The following GRID1 variants were observed in gnomAD, a reference collection of about 807,000 sequenced individuals.
GRID1 encodes glutamate ionotropic receptor delta type subunit 1, also known as glutamate receptor ionotropic, delta-1.
In GRID1, 28 loss-of-function variants were observed where a neutral mutation model predicts 98.0. The observed-to-expected ratio is 0.29, with a 90% confidence interval of 0.21 to 0.39. The LOEUF is 0.39. Ranked by LOEUF, GRID1 falls within the 10% of genes least tolerant of loss-of-function variation. The probability of loss-of-function intolerance (pLI) is 1.00; values close to 1 mark genes in which losing one functional copy is unlikely to be tolerated. For missense variants in GRID1, 1,111 were observed against 1,340.5 expected (o/e 0.83, Z 2.67); for synonymous variants, 553 against 538.5 (o/e 1.03, Z -0.37).
chr10:85,930,332 C>T (rs1045884030), intron 4 of GRID1, among the ~76,000 whole-genome samples: 1 of 146,786 alleles, frequency 6.8e-6, no homozygotes, highest in Non-Finnish European at 1.5e-5. Context: ...CTACAAATAA[C>T]TTGTGGTTAT....
At chr10:86,075,866 C>G (rs1367105009) in intron 4 of GRID1, among the ~76,000 whole-genome samples, 1 of 152,220 alleles carries the variant, frequency 6.6e-6, no homozygotes, top group African/African-American at 2.4e-5. Context: ...CATAGGGCAG[C>G]TAGAAATAGG....
intron 4 of GRID1, among the ~76,000 whole-genome samples, chr10:86,120,802 A>G (rs1442090937): frequency 1.3e-5 from 2 of 152,190 alleles, no homozygotes; most frequent in Admixed American, 6.5e-5. Context: ...GATTAGAAAT[A>G]CCAGTTTTTG....
intron 4 of GRID1, among the ~76,000 whole-genome samples, chr10:86,080,163 G>A (rs374004185): frequency 2.0e-4 from 31 of 151,750 alleles, no homozygotes; most frequent in Admixed American, 1.4e-3. Context: ...GTGAAACCCC[G>A]TCTCTACTAA....
At chr10:86,267,353 G>A (rs1395284772) in intron 2 of GRID1, among the ~76,000 whole-genome samples, 1 of 152,228 alleles carries the variant, frequency 6.6e-6, no homozygotes, top group Non-Finnish European at 1.5e-5. Context: ...ATTCAACAAG[G>A]ACAACAGCGG....
chr10:85,728,264 C>A (rs568535038), intron 9 of GRID1, among the ~76,000 whole-genome samples: 3 of 152,170 alleles, frequency 2.0e-5, no homozygotes, highest in Non-Finnish European at 4.4e-5. Context: ...TAGGTCCATA[C>A]AGAGGAGTGG....
intron 8 of GRID1, among the ~76,000 whole-genome samples, chr10:85,756,006 C>T (rs1161725548): frequency 6.6e-6 from 1 of 152,132 alleles, no homozygotes; most frequent in East Asian, 1.9e-4. Flanking sequence ...AGCACCCATT[C>T]TCCTTCAACC....
intron 4 of GRID1, among the ~76,000 whole-genome samples, chr10:85,955,165 C>G (rs1209059201): frequency 6.6e-6 from 1 of 152,176 alleles, no homozygotes; most frequent in Non-Finnish European, 1.5e-5. Context: ...AGGAAAGACT[C>G]CATCTCCCTG....
chr10:85,632,705 G>A (rs1842989474), intron 13 of GRID1, among the ~76,000 whole-genome samples: 1 of 152,094 alleles, frequency 6.6e-6, no homozygotes, highest in Admixed American at 6.6e-5. Context: ...CACCACACCG[G>A]GCTAATTTTG....
Position 86,178,458 on chromosome 10 carries a change from G to A in GRID1, c.520+27906C>T, listed in dbSNP as rs141441850. Reference sequence around the variant, plus strand: ...CAACCTGGCCTGATTTTTGGCAAACGGTGCTGGGTTATTAGTGAGGACATT... The same window carrying A: ...CAACCTGGCCTGATTTTTGGCAAACAGTGCTGGGTTATTAGTGAGGACATT... On this transcript the variant is annotated intron_variant, in intron 3 of 15. Coordinates refer to ENST00000327946, the MANE Select transcript of GRID1 (RefSeq NM_017551.3). Among the ~76,000 whole-genome samples, 99 of 152,234 alleles carry A rather than the reference G, an allele frequency of 6.5e-4. 1 individual carries two copies. The Middle Eastern group carries it at 0.027, about 42-fold the overall frequency.
chr10:86,017,455 C>A (rs1359120604), intron 4 of GRID1, among the ~76,000 whole-genome samples: 2 of 152,216 alleles, frequency 1.3e-5, no homozygotes, highest in Non-Finnish European at 2.9e-5. Flanking sequence ...AGAATTGCAG[C>A]CATCAGCATG....
At chr10:85,683,851 T>C (rs1046060660) in intron 12 of GRID1, among the ~76,000 whole-genome samples, 29 of 152,188 alleles carry the variant, frequency 1.9e-4, no homozygotes, top group African/African-American at 6.8e-4. Context: ...TAATAGACAA[T>C]GAAGGTTTTC....
At chr10:85,952,813 T>G (rs1250418451) in intron 4 of GRID1, among the ~76,000 whole-genome samples, 1 of 152,160 alleles carries the variant, frequency 6.6e-6, no homozygotes, top group Non-Finnish European at 1.5e-5. Flanking sequence ...TTAAACTGCA[T>G]GAATTCATTT....
intron 2 of GRID1, among the ~76,000 whole-genome samples, chr10:86,273,174 G>T (rs990846638): frequency 3.3e-5 from 5 of 149,776 alleles, no homozygotes; most frequent in Non-Finnish European, 7.4e-5. Flanking sequence ...TTGGTTTTTT[G>T]CCCTTGCGAT....
chr10:85,882,610 C>G (rs1357316582), intron 5 of GRID1, among the ~76,000 whole-genome samples: 3 of 151,994 alleles, frequency 2.0e-5, no homozygotes, highest in Admixed American at 6.6e-5. Context: ...CATCACACTC[C>G]CGGAACTGTT....
In GRID1 at chr10:86,286,468, G is replaced by A. The variant is rs532126059; in HGVS notation, c.235+77473C>T. On this transcript the variant is annotated intron_variant, in intron 2 of 15. Coordinates refer to ENST00000327946, the MANE Select transcript of GRID1 (RefSeq NM_017551.3). Reference sequence around the variant, plus strand: ...CCCTGCCTTTTTACTAGGTTTGGGGGAACCACCATGGGCTCCACGAATTCC... The same window carrying A: ...CCCTGCCTTTTTACTAGGTTTGGGGAAACCACCATGGGCTCCACGAATTCC... 4.6e-5 allele frequency among the ~76,000 whole-genome samples: 7 copies of A among 152,256 alleles called. No individual in the cohort carries two copies. The South Asian group carries it at 1.5e-3, about 32-fold the overall frequency.
At chr10:86,198,493 T>G (rs1348256162) in intron 3 of GRID1, among the ~76,000 whole-genome samples, 2 of 152,136 alleles carry the variant, frequency 1.3e-5, no homozygotes, top group African/African-American at 4.8e-5. Flanking sequence ...TCCAGAGTAG[T>G]AAGTGTTACT....
intron 5 of GRID1, among the ~76,000 whole-genome samples, chr10:85,900,869 G>T (rs1252205538): frequency 1.7e-4 from 26 of 152,156 alleles, no homozygotes; most frequent in Admixed American, 1.7e-3. Flanking sequence ...GAGGGAGAGA[G>T]GCCATGAAGG....
At chr10:86,184,887 T>C (rs1014246957) in intron 3 of GRID1, among the ~76,000 whole-genome samples, 1 of 152,198 alleles carries the variant, frequency 6.6e-6, no homozygotes, top group African/African-American at 2.4e-5. Flanking sequence ...AGTCATGTAG[T>C]GAAATCGAAA....
At chr10:85,868,605 G>T (rs1321823722) in intron 6 of GRID1, among the ~76,000 whole-genome samples, 1 of 152,204 alleles carries the variant, frequency 6.6e-6, no homozygotes, top group Non-Finnish European at 1.5e-5. Context: ...GTCCCATCTT[G>T]CTTTGCAAGG....
Sources: allele counts gnomAD v4.1 joint callset (sites outside exome capture counted in the v4.1 genomes callset), GRCh38; gene constraint gnomAD v4.1.1; transcripts MANE v1.5; gene names NCBI Gene and HGNC (gene_info 2026-07-23, HGNC 2026-07-21).